Variants in RADIL observed in about 807,000 individuals in gnomAD.
RADIL encodes the protein Rap associating with DIL domain.
Under a neutral mutation model 97.6 loss-of-function variants are expected in RADIL, and 99 were observed. The ratio of observed to expected loss-of-function variants is 1.01; its 90% CI spans 0.86 to 1.20. The LOEUF (loss-of-function observed/expected upper bound fraction) is 1.20, where lower values mean the gene tolerates loss of function less well. Ranked by LOEUF, RADIL falls within the 50% of genes most tolerant of loss-of-function variation. The probability of loss-of-function intolerance (pLI) is 0.00; values close to 1 mark genes in which losing one functional copy is unlikely to be tolerated. For synonymous variants in RADIL, 803 were observed against 691.8 expected (o/e 1.16, Z -2.52); for missense variants, 1,765 against 1,498.9 (o/e 1.18, Z -2.93).
intron 4 of RADIL, among the ~76,000 whole-genome samples, chr7:4,833,064 A>G (rs1783192659): frequency 6.6e-6 from 1 of 152,088 alleles, no homozygotes; most frequent in African/African-American, 2.4e-5. Context: ...TCTGTTTCAG[A>G]GCCTGTAGCA....
rs767335447 is a variant in RADIL, at chr7:4,805,577, G to A, written c.2279C>T (p.Ala760Val). 3 of 1,602,352 alleles carry A rather than the reference G, an allele frequency of 1.9e-6. No individual in the cohort carries two copies. Among genetic ancestry groups the A allele is most frequent in the East Asian group, 2.2e-5 (1 of 44,642 alleles). Residue 760 changes from alanine (A) to valine (V), a missense_variant, in exon 10 of 15, where the codon GCC becomes GTC. Coordinates refer to ENST00000399583, the MANE Select transcript of RADIL (RefSeq NM_018059.5). Reference protein sequence around the residue: ...WEPGAQDSPEAFRSEDVLESY... With the variant: ...WEPGAQDSPEVFRSEDVLESY... ...GGGGCAGGGCTTACCTGACCTGAAG[G>A]CCTCGGGGCTGTCCTGGGCCCCTGG... is the stretch of plus-strand genomic sequence containing the variant.
chr7:4,842,791 G>T lies in RADIL; in HGVS notation c.536-6186C>A, dbSNP rs1199427597. 6.6e-6 allele frequency among the ~76,000 whole-genome samples: 1 copy of T among 152,126 alleles called. No individual in the cohort carries two copies. Among genetic ancestry groups the T allele is most frequent in the Non-Finnish European group, 1.5e-5 (1 of 68,010 alleles). On this transcript the variant is annotated intron_variant, in intron 2 of 14. Coordinates refer to ENST00000399583, the MANE Select transcript of RADIL (RefSeq NM_018059.5). This position sits in a 1 kb window ranked among gnomAD's most constrained non-coding sequence, Gnocchi z 4.5. ...GATGAAGTGACTAGGAGTGGAGACG[G>T]AGGGGATAATGAAACGTTCCTGGGC...
rs1784419771 is a variant in RADIL, at chr7:4,878,551, G to T, written c.-64-348C>A. Among the ~76,000 whole-genome samples the T allele has an allele frequency of 6.6e-6, 1 of 152,164 alleles. No homozygotes were observed. Among genetic ancestry groups the T allele is most frequent in the Non-Finnish European group, 1.5e-5 (1 of 68,036 alleles). ...CAAGACCCCATCTCAAAATCTAATGGACATAACAGGCCGTGGGCATCCTGG... is the reference window on the plus strand; with the variant it reads ...CAAGACCCCATCTCAAAATCTAATGTACATAACAGGCCGTGGGCATCCTGG... On this transcript the variant is annotated intron_variant, in intron 1 of 14. Coordinates refer to ENST00000399583, the MANE Select transcript of RADIL (RefSeq NM_018059.5). The surrounding 1 kb of genome is among the most constrained non-coding windows in gnomAD (Gnocchi z 4.1).
chr7:4,823,838 C>A (rs1782902120), intron 5 of RADIL, among the ~76,000 whole-genome samples: 1 of 152,206 alleles, frequency 6.6e-6, no homozygotes, highest in Non-Finnish European at 1.5e-5. Context: ...TGCTGAGGTG[C>A]CCGGGTAATT....
chr7:4,805,779 G>T (rs1446884371), intron 9 of RADIL, 63 bp from the exon 10 acceptor site: 62 of 1,550,698 alleles, frequency 4.0e-5, no homozygotes, highest in Non-Finnish European at 5.1e-5. Flanking sequence ...CCCAAAGAGG[G>T]ATGGCCTCCA....
chr7:4,858,911 T>C (rs1005611010), intron 2 of RADIL: 1 of 152,208 alleles, frequency 6.6e-6, no homozygotes, highest in Non-Finnish European at 1.5e-5. Flanking sequence ...AAAAGCTTTT[T>C]TGTTTTAGGA....
At chr7:4,809,603 T>C (rs1782478792) in intron 9 of RADIL, 1 of 985,354 alleles carries the variant, frequency 1.0e-6, no homozygotes, top group Non-Finnish European at 1.2e-6. Flanking sequence ...GACACGCTCC[T>C]TGAACTCGAC....
intron 2 of RADIL, 46 bp downstream of exon 2, chr7:4,877,559 C>T (rs1365035948): frequency 3.2e-6 from 5 of 1,542,022 alleles, no homozygotes; most frequent in Non-Finnish European, 4.4e-6. Context: ...CTGGCCTTCT[C>T]AGCGCTCAGA....
chr7:4,864,070 T>TTAATC (rs1784081085), intron 2 of RADIL, among the ~76,000 whole-genome samples: 1 of 152,246 alleles, frequency 6.6e-6, no homozygotes, highest in South Asian at 2.1e-4. Flanking sequence ...TCTGGGATAA[T>TTAATC]TAATCCCATA....
chr7:4,817,238 C>T lies in RADIL; in HGVS notation c.1728+1G>A, dbSNP rs1782700996. The T allele has an allele frequency of 3.1e-6, 5 of 1,610,622 alleles. No homozygotes were observed. The highest frequency in any genetic ancestry group is 2.2e-5 in the East Asian group (1 of 44,782). On this transcript the variant is annotated splice_donor_variant, in intron 7 of 14. Transcript: ENST00000399583. LOFTEE classifies it high-confidence loss of function. The surrounding 1 kb of genome is among the most constrained non-coding windows in gnomAD (Gnocchi z 8.3). ...TGCAGAAGCAGAGCCCGTCCGTGCA[C>T]CTTGGAGACATAGTAGACGCACTGC...
intron 10 of RADIL, among the ~76,000 whole-genome samples, chr7:4,804,378 G>A (rs1782222873): frequency 2.0e-5 from 3 of 151,424 alleles, no homozygotes; most frequent in African/African-American, 7.4e-5. Context: ...CGGGGCTGCG[G>A]GGGGGCATCC....
chr7:4,827,627 C>A (rs775479654), intron 5 of RADIL, among the ~76,000 whole-genome samples: 4 of 152,206 alleles, frequency 2.6e-5, no homozygotes, highest in Non-Finnish European at 5.9e-5. Context: ...TGCCACTGTA[C>A]TCCAGCCTGG....
At position 4,813,519 on chromosome 7, in the gene RADIL, C is replaced by T. The variant is rs141297292; in HGVS notation, c.2139+1759G>A. 6.6e-6 allele frequency among the ~76,000 whole-genome samples: 1 copy of T among 152,356 alleles called. No homozygotes were observed. Among genetic ancestry groups the T allele is most frequent in the East Asian group, 1.9e-4 (1 of 5,190 alleles). On this transcript the variant is annotated intron_variant, in intron 9 of 14. Transcript: ENST00000399583. The surrounding 1 kb of genome is among the most constrained non-coding windows in gnomAD (Gnocchi z 5.0). ...CTGAAGTCTCTGAGCTTGCCTCCCT[C>T]CTGTGAGATGGCCAGTGCTGTGCTG...
Position 4,837,363 on chromosome 7 carries a change from G to T in RADIL, c.536-758C>A, listed in dbSNP as rs1316030244. 2.0e-5 allele frequency among the ~76,000 whole-genome samples: 3 copies of T among 152,174 alleles called. No individual in the cohort carries two copies. The highest frequency in any genetic ancestry group is 7.2e-5 in the African/African-American group (3 of 41,446). ...GTGCACCAGGCGAAACTCCCCTGGG[G>T]GTGGTGCTCTGACGAGACGAGACGG... is the stretch of plus-strand genomic sequence containing the variant. On this transcript the variant is annotated intron_variant, in intron 2 of 14. Coordinates refer to ENST00000399583, the MANE Select transcript of RADIL (RefSeq NM_018059.5). This position sits in a 1 kb window ranked among gnomAD's most constrained non-coding sequence, Gnocchi z 5.6.
At chr7:4,800,374 T>G in intron 12 of RADIL, 64 bp from the exon 13 acceptor site, 1 of 1,390,204 alleles carries the variant, frequency 7.2e-7, no homozygotes. Flanking sequence ...AGGAATGGGA[T>G]GTCCTGGCCT....
chr7:4,861,717 G>A, intron 2 of RADIL: 3 of 1,567,814 alleles, frequency 1.9e-6, no homozygotes, highest in East Asian at 2.2e-5. Context: ...GTCTCCTTGG[G>A]GACCGCTAGA....
In RADIL at chr7:4,800,189, C is replaced by T; in HGVS notation, c.2964G>A (p.Met988Ile). 2.5e-6 allele frequency: 4 copies of T among 1,609,180 alleles called. No individual in the cohort carries two copies. Among genetic ancestry groups the T allele is most frequent in the Non-Finnish European group, 3.4e-6 (4 of 1,178,650 alleles). Reference sequence around the variant, plus strand: ...CACTCACCATCCCGTCGATCAGGCCCATCCCCAGCCCGGAGGGGCCTCGTT... The same window carrying T: ...CACTCACCATCCCGTCGATCAGGCCTATCCCCAGCCCGGAGGGGCCTCGTT... The part of the protein sequence containing the change: ...ELERGPSGLG[M>I]GLIDGMHTHL... The change falls in exon 13 of 15, where the codon ATG becomes ATA. Residue 988 changes from methionine to isoleucine, a missense_variant. Transcript: ENST00000399583.
At chr7:4,808,807 C>A (rs1183330250) in intron 9 of RADIL, 6 of 975,026 alleles carry the variant, frequency 6.2e-6, no homozygotes, top group Non-Finnish European at 7.3e-6. Context: ...CACTGCCCCT[C>A]CGTGTCTCCT....
intron 4 of RADIL, among the ~76,000 whole-genome samples, chr7:4,833,160 C>T (rs1304984084): frequency 1.3e-5 from 2 of 152,180 alleles, no homozygotes; most frequent in Non-Finnish European, 2.9e-5. Context: ...GGCTGGGACC[C>T]GGGTCCCTCA....
Sources: allele counts gnomAD v4.1 joint callset (sites outside exome capture counted in the v4.1 genomes callset), GRCh38; gene constraint gnomAD v4.1.1; non-coding constraint Gnocchi (gnomAD v3.1); transcripts MANE v1.5; gene names NCBI Gene and HGNC (gene_info 2026-07-23, HGNC 2026-07-21).